Variants in ATM observed in about 807,000 individuals in gnomAD.
The protein encoded by ATM is ATM serine/threonine kinase, also known as serine-protein kinase ATM.
Under a neutral mutation model 387.0 loss-of-function variants are expected in ATM, and 308 were observed. The ratio of observed to expected loss-of-function variants is 0.80; its 90% confidence interval spans 0.73 to 0.87. The LOEUF (loss-of-function observed/expected upper bound fraction) is 0.87, where lower values mean the gene tolerates loss of function less well. Ranked by LOEUF, ATM falls within the 40% of genes least tolerant of loss-of-function variation. The pLI is 0.00. For missense variants in ATM, 3,312 were observed against 3,560.9 expected (o/e 0.93, Z 1.78); for synonymous variants, 1,156 against 1,187.3 (o/e 0.97, Z 0.54).
At chr11:108,257,220 C>T (rs949013688) in intron 14 of ATM, among the ~76,000 whole-genome samples, 2 of 152,208 alleles carry the variant, frequency 1.3e-5, no homozygotes, top group African/African-American at 4.8e-5. Context: ...AAGCATGAAA[C>T]TCTTTCTTAT....
At chr11:108,251,103 C>T (rs1471448720) in intron 10 of ATM, 31 bp downstream of exon 10, 3 of 1,613,106 alleles carry the variant, frequency 1.9e-6, no homozygotes, top group East Asian at 4.5e-5. Context: ...GTCTGACTTA[C>T]AGATAAACAC....
chr11:108,282,752 G>C lies in ATM; in HGVS notation c.3619G>C (p.Glu1207Gln), dbSNP rs772724024. The C allele has an allele frequency of 1.2e-6, 2 of 1,613,400 alleles. No homozygotes were observed. ...TGAAACTTTTGGATATAGACGTTTA[G>C]AAGACTTTATGGCATCTCATTTAGA... ...VSETFGYRRL[E>Q]DFMASHLDYL... The change falls in exon 25 of 63, where the codon GAA becomes CAA. Residue 1207 changes from glutamate (E) to glutamine (Q), a missense_variant. By Grantham distance (29) the Glu-to-Gln change is conservative (BLOSUM62 2). Around this residue, in one of 4 missense-constraint regions of ATM, gnomAD observed 1,791 missense variants for 1,804.5 expected, o/e 0.99. Transcript: ENST00000675843.
At chr11:108,299,919 A>C in intron 34 of ATM, 34 bp downstream of exon 34, 161 of 1,557,408 alleles carry the variant, frequency 1.0e-4, no homozygotes, top group Non-Finnish European at 1.3e-4. Flanking sequence ...ATGTAATCTC[A>C]ATATGACATT....
At chr11:108,325,566 G>A (rs2136320254) in intron 46 of ATM, 22 bp downstream of exon 46, 13 of 1,552,822 alleles carry the variant, frequency 8.4e-6, no homozygotes, top group Non-Finnish European at 1.1e-5. Context: ...TTAAAACTAT[G>A]TCATCTTACC....
At position 108,287,639 on chromosome 11, in the gene ATM, G is replaced by C. The variant is rs1216931701; in HGVS notation, c.4033G>C (p.Val1345Leu). 1 of 1,613,488 alleles carries C rather than the reference G, an allele frequency of 6.2e-7. No homozygotes were observed. Among genetic ancestry groups the C allele is most frequent in the Non-Finnish European group, 8.5e-7 (1 of 1,179,810 alleles). ...LFISNLPEIV[V>L]ELLMTLHEPA... ...CATTAGTAATTTACCAGAGATTGTGGTGGAGTTATTGATGACGTTACATGA... is the reference window on the plus strand; with the variant it reads ...CATTAGTAATTTACCAGAGATTGTGCTGGAGTTATTGATGACGTTACATGA... The change falls in exon 27 of 63, where the codon GTG (valine) becomes CTG (leucine). Residue 1345 changes from valine to leucine, a missense_variant. By Grantham distance (32) the Val-to-Leu change is conservative. This residue lies in a region of ATM where 1,791 missense variants were observed against 1,804.5 expected (regional missense o/e 0.99). Coordinates refer to ENST00000675843, the MANE Select transcript of ATM (RefSeq NM_000051.4).
At chr11:108,308,962 A>AT in intron 38 of ATM, 1 of 1,494,408 alleles carries the variant, frequency 6.7e-7, no homozygotes, top group South Asian at 1.2e-5. Context: ...TGAGTCATTC[A>AT]TTTCAGACTT....
At chr11:108,235,526 G>A in intron 4 of ATM, 144 bp from the exon 5 acceptor site, 3 of 710,300 alleles carry the variant, frequency 4.2e-6, no homozygotes, top group African/African-American at 3.6e-5. Flanking sequence ...TTTTGCTTGG[G>A]GCCATAATTT....
rs1216800516 is a variant in ATM, at chr11:108,331,749, A to T, written c.7630-130A>T. 8 of 1,299,798 alleles carry T rather than the reference A, an allele frequency of 6.2e-6. No individual in the cohort carries two copies. The East Asian group carries it at 2.0e-4, about 33-fold the overall frequency. The allele number at this position is 1,299,798 out of a possible 1,614,324, so 80.5% of individuals were successfully genotyped here. A position where few individuals can be genotyped will look rare whatever the true frequency, so the allele number is the denominator to read the frequency against. Reference sequence around the variant, plus strand: ...ATAGGCCTCTGCCTTTTTCTCACACATGCAGGCATACACGCTCTACCCACT... The same window carrying T: ...ATAGGCCTCTGCCTTTTTCTCACACTTGCAGGCATACACGCTCTACCCACT... On this transcript the variant is annotated intron_variant, in intron 51 of 62. Coordinates refer to ENST00000675843, the MANE Select transcript of ATM (RefSeq NM_000051.4).
rs1591199097 is a variant in ATM, at chr11:108,335,931, G to GA, written c.8240dup (p.Arg2748GlufsTer9). 1 of 1,613,582 alleles carries GA rather than the reference G, an allele frequency of 6.2e-7. No individual in the cohort carries two copies. The highest frequency in any genetic ancestry group is 8.5e-7 in the Non-Finnish European group (1 of 1,179,556). ...TACTGCAGAGAAACACGGAAACTAG[G>GA]AAGAGGAAATTAACTATCTGTACTT... is the stretch of plus-strand genomic sequence containing the variant. On this transcript the variant is annotated frameshift_variant, in exon 56 of 63. Coordinates refer to ENST00000675843, the MANE Select transcript of ATM (RefSeq NM_000051.4). LOFTEE classifies it high-confidence loss of function.
At chr11:108,253,021 G>A in intron 12 of ATM, 109 bp downstream of exon 12, 1 of 1,016,074 alleles carries the variant, frequency 9.8e-7, no homozygotes, top group South Asian at 1.4e-5. Flanking sequence ...AACTAAATTG[G>A]TCCAAAAAAA....
chr11:108,255,684 C>T (rs2080431544), intron 13 of ATM, among the ~76,000 whole-genome samples: 1 of 152,146 alleles, frequency 6.6e-6, no homozygotes, highest in Non-Finnish European at 1.5e-5. Context: ...CCTCGGCCTC[C>T]CAAAGTGTTG....
chr11:108,232,667 G>A (rs1591464336), intron 4 of ATM, among the ~76,000 whole-genome samples: 1 of 149,822 alleles, frequency 6.7e-6, no homozygotes, highest in Non-Finnish European at 1.5e-5. Context: ...AGCCTCTAGA[G>A]TAGCTGGGAC....
At position 108,320,681 on chromosome 11, in the gene ATM, A is replaced by G. The variant is rs191781375; in HGVS notation, c.6453-620A>G. ...CACAGCTATAAGTGACAGAACTGCA[A>G]TTTAGATCTAGGTCTGTGTGATTCC... On this transcript the variant is annotated intron_variant, in intron 44 of 62. Transcript: ENST00000675843. Among the ~76,000 whole-genome samples the G allele has an allele frequency of 2.3e-3, 352 of 152,298 alleles. 1 individual carries two copies. The highest frequency in any genetic ancestry group is 7.8e-3 in the African/African-American group (325 of 41,570).
Position 108,247,029 on chromosome 11 carries a change from A to G in ATM, c.967A>G (p.Ile323Val), listed in dbSNP as rs587781511. Residue 323 changes from isoleucine to valine, a missense_variant, in exon 8 of 63, where the codon ATA becomes GTA. Transcript: ENST00000675843. ...YNLYDLLVNE[I>V]SHIGSRGKYS... ...CTTATATGATCTGCTAGTGAATGAGATAAGTCATATAGGAAGTAGAGGAAA... is the reference window on the plus strand; with the variant it reads ...CTTATATGATCTGCTAGTGAATGAGGTAAGTCATATAGGAAGTAGAGGAAA... The G allele has an allele frequency of 5.0e-6, 8 of 1,613,390 alleles. No homozygotes were observed. Among genetic ancestry groups the G allele is most frequent in the South Asian group, 1.1e-5 (1 of 91,070 alleles).
Position 108,316,029 on chromosome 11 carries a change from C to T in ATM, c.6114C>T (p.His2038=), listed in dbSNP as rs774993357. 1.7e-5 allele frequency: 28 copies of T among 1,613,976 alleles called. No individual in the cohort carries two copies. Among genetic ancestry groups the T allele is most frequent in the Middle Eastern group, 1.6e-4 (1 of 6,084 alleles). The stretch of plus-strand genomic sequence containing the variant: ...CTTATAGACTACGAACATATGAACA[C>T]GAAGCAATGTGGGGCAAAGCCCTAG... ...QPITRLRTYE[H]EAMWGKALVT... The change falls in exon 42 of 63, where the codon CAC becomes CAT. Residue 2038 remains histidine, a synonymous_variant. Transcript: ENST00000675843.
At chr11:108,241,401 G>T (rs2079550775) in intron 5 of ATM, among the ~76,000 whole-genome samples, 1 of 152,092 alleles carries the variant, frequency 6.6e-6, no homozygotes, top group South Asian at 2.1e-4. Flanking sequence ...CATTATCAAG[G>T]TTTATGTACT....
intron 43 of ATM, 28 bp from the exon 44 acceptor site, chr11:108,319,926 A>G (rs2085071361): frequency 1.3e-6 from 2 of 1,502,760 alleles, no homozygotes; most frequent in Non-Finnish European, 1.9e-6. Flanking sequence ...GTTTTTAAGT[A>G]TATTTTTTTC....
chr11:108,363,033 T>C (rs892385812), intron 61 of ATM, among the ~76,000 whole-genome samples: 1 of 152,156 alleles, frequency 6.6e-6, no homozygotes, highest in East Asian at 1.9e-4. Flanking sequence ...TTTACACTCA[T>C]CTACCTAATC....
chr11:108,315,500 A>G lies in ATM; in HGVS notation c.6007-323A>G, dbSNP rs147162693. Among the ~76,000 whole-genome samples the G allele has an allele frequency of 6.8e-3, 1,032 of 152,306 alleles. 16 individuals carry two copies. The highest frequency in any genetic ancestry group is 0.023 in the African/African-American group (955 of 41,566). ...GACTAGTTGTACATTTATTTTATGC[A>G]TTCATGACATAACTTTTAAAAAATT... On this transcript the variant is annotated intron_variant, in intron 40 of 62. Coordinates refer to ENST00000675843, the MANE Select transcript of ATM (RefSeq NM_000051.4).
Sources: allele counts gnomAD v4.1 joint callset (sites outside exome capture counted in the v4.1 genomes callset), GRCh38; gene constraint gnomAD v4.1.1; regional missense constraint gnomAD v4.1.1; transcripts MANE v1.5; gene names NCBI Gene and HGNC (gene_info 2026-07-23, HGNC 2026-07-21).